SOX15: variants seen among roughly 807,000 people sequenced by gnomAD.
SOX15 encodes transcription factor SOX-15.
SOX15 carries 12 observed loss-of-function variants against 15.9 expected under a neutral mutation model. That is an observed-to-expected ratio of 0.75 (90% CI 0.48 to 1.22). The LOEUF (loss-of-function observed/expected upper bound fraction) is 1.22. Among genes scored for constraint, SOX15 ranks in the 50% most tolerant of loss-of-function variants. The pLI is 0.00. For missense variants in SOX15, 309 were observed against 313.9 expected (o/e 0.98, Z 0.12); for synonymous variants, 149 against 142.8 (o/e 1.04, Z -0.31).
intron 1 of SOX15, 121 bp from the exon 2 acceptor site, chr17:7,588,667 C>T (rs568730567): frequency 1.7e-5 from 19 of 1,101,266 alleles, no homozygotes; most frequent in South Asian, 2.6e-5. Context: ...GCCCGCTGGG[C>T]GCAGCAGGCA....
chr17:7,589,667 G>A lies in SOX15; in HGVS notation c.10C>T (p.Pro4Ser). The change falls in exon 1 of 2, where the codon CCA becomes TCA. Residue 4 changes from proline to serine, a missense_variant. Coordinates refer to ENST00000250055, the MANE Select transcript of SOX15 (RefSeq NM_006942.2). ...CAGGCCTGGTCCTGTGAGGAGCCTGGTAGCGCCATGGGTTGGGAGAAGCCT... is the reference window on the plus strand; with the variant it reads ...CAGGCCTGGTCCTGTGAGGAGCCTGATAGCGCCATGGGTTGGGAGAAGCCT... MAL[P>S]GSSQDQAWSL... 1 of 1,540,494 alleles carries A rather than the reference G, an allele frequency of 6.5e-7. No homozygotes were observed. Among genetic ancestry groups the A allele is most frequent in the Non-Finnish European group, 8.7e-7 (1 of 1,146,940 alleles).
intron 1 of SOX15, 142 bp downstream of exon 1, chr17:7,589,002 G>A: frequency 2.8e-6 from 2 of 712,222 alleles, no homozygotes; most frequent in Non-Finnish European, 2.2e-6. Flanking sequence ...GGCCCCGGAG[G>A]TACTGGGCCT....
rs200558440 is a variant in SOX15, at chr17:7,588,511, C to T, written c.569G>A (p.Cys190Tyr). ...CCTAGGGTCACTCTGAGGGAGGGAG[C>T]ACGGTGAGGGGGCTTCCAGTTTGCA... ...SHCKLEAPSP[C>Y]SLPQSDPRLQ... Residue 190 changes from cysteine to tyrosine, a missense_variant, in exon 2 of 2, where the codon TGC (cysteine) becomes TAC (tyrosine). By Grantham distance (194) the Cys-to-Tyr change is radical (BLOSUM62 -2). Coordinates refer to ENST00000250055, the MANE Select transcript of SOX15 (RefSeq NM_006942.2). The T allele has an allele frequency of 1.2e-6, 2 of 1,613,656 alleles. No homozygotes were observed. Among genetic ancestry groups the T allele is most frequent in the Admixed American group, 3.3e-5 (2 of 60,024 alleles).
chr17:7,588,552 G>A lies in SOX15; in HGVS notation c.534-6C>T. The stretch of plus-strand genomic sequence containing the variant: ...CCAGTTTGCAGTGGGAAGAGCTGCA[G>A]AGAGAAACAAGAGGTTAGAGGGCAC... On this transcript the variant is annotated splice_polypyrimidine_tract_variant and splice_region_variant and intron_variant, in intron 1 of 1. Transcript: ENST00000250055. The A allele has an allele frequency of 6.2e-7, 1 of 1,612,542 alleles. No individual in the cohort carries two copies. Among genetic ancestry groups the A allele is most frequent in the Non-Finnish European group, 8.5e-7 (1 of 1,179,832 alleles).
At chr17:7,588,732 G>C (rs1451478106) in intron 1 of SOX15, among the ~76,000 whole-genome samples, 186 bp from the exon 2 acceptor site, 1 of 152,210 alleles carries the variant, frequency 6.6e-6, no homozygotes, top group Non-Finnish European at 1.5e-5. Flanking sequence ...ACGCTCGGGA[G>C]CGGGCTTGCG....
intron 1 of SOX15, 126 bp from the exon 2 acceptor site, chr17:7,588,672 CA>C: frequency 3.7e-6 from 4 of 1,074,524 alleles, no homozygotes; most frequent in Non-Finnish European, 5.6e-6. Flanking sequence ...CTGGGCGCAG[CA>C]GGCATGGAAG....
In SOX15 at chr17:7,589,213, G is replaced by T; in HGVS notation, c.464C>A (p.Thr155Asn). ...GTACCCAAAGCCTCTGCTCGGTTGGGTGGTCGCGTACCCCGGCCCCCAGAG... is the reference window on the plus strand; with the variant it reads ...GTACCCAAAGCCTCTGCTCGGTTGGTTGGTCGCGTACCCCGGCCCCCAGAG... The part of the protein sequence containing the change: ...GPLWGPGYAT[T>N]QPSRGFGYRP... The change falls in exon 1 of 2, where the codon ACC (threonine) becomes AAC (asparagine). Residue 155 changes from threonine to asparagine, a missense_variant. Physicochemically the swap from Thr to Asn is moderately conservative, Grantham distance 65 (BLOSUM62 0). Transcript: ENST00000250055. The T allele has an allele frequency of 1.3e-6, 2 of 1,540,442 alleles. No individual in the cohort carries two copies. The highest frequency in any genetic ancestry group is 2.4e-5 in the South Asian group (2 of 83,558).
intron 1 of SOX15, chr17:7,588,918 C>G (rs2071627257): frequency 1.7e-6 from 1 of 591,356 alleles, no homozygotes; most frequent in African/African-American, 1.9e-5. Context: ...TCACCTGACC[C>G]TACAGGGCCC....
chr17:7,589,156 G>A lies in SOX15; in HGVS notation c.521C>T (p.Pro174Leu). 6.7e-7 allele frequency: 1 copy of A among 1,495,198 alleles called. No individual in the cohort carries two copies. The highest frequency in any genetic ancestry group is 9.0e-7 in the Non-Finnish European group (1 of 1,116,622). 92.6% of individuals were successfully genotyped at this position (1,495,198 alleles called of 1,614,324 possible). Reference protein sequence around the residue: ...RPPSYSTAYLPGSYGSSHCKL... With the variant: ...RPPSYSTAYLLGSYGSSHCKL... Reference sequence around the variant, plus strand: ...CCCAGGCACTCACCCATAGCTGCCAGGCAGGTAGGCTGTCGAGTAGCTGGG... The same window carrying A: ...CCCAGGCACTCACCCATAGCTGCCAAGCAGGTAGGCTGTCGAGTAGCTGGG... Residue 174 changes from proline (P) to leucine (L), a missense_variant, in exon 1 of 2, where the codon CCT becomes CTT. Pro to Leu is a moderately conservative substitution (Grantham distance 98). Transcript: ENST00000250055.
In SOX15 at chr17:7,589,477, A is replaced by T; in HGVS notation, c.200T>A (p.Met67Lys). ...GTGCATCTTGGGGTTCTGCTGCGCCATCTGGCGGCGCTGAGCGGAGCTCCA... is the reference window on the plus strand; with the variant it reads ...GTGCATCTTGGGGTTCTGCTGCGCCTTCTGGCGGCGCTGAGCGGAGCTCCA... The part of the protein sequence containing the change: ...MVWSSAQRRQ[M>K]AQQNPKMHNS... The change falls in exon 1 of 2, where the codon ATG (methionine) becomes AAG (lysine). Residue 67 changes from methionine to lysine, a missense_variant. Coordinates refer to ENST00000250055, the MANE Select transcript of SOX15 (RefSeq NM_006942.2). The T allele has an allele frequency of 1.2e-6, 2 of 1,613,724 alleles. No individual in the cohort carries two copies. The highest frequency in any genetic ancestry group is 1.7e-6 in the Non-Finnish European group (2 of 1,179,862).
chr17:7,588,672 C>T, intron 1 of SOX15, 126 bp from the exon 2 acceptor site: 2 of 1,074,524 alleles, frequency 1.9e-6, no homozygotes, highest in Non-Finnish European at 1.4e-6. Context: ...CTGGGCGCAG[C>T]AGGCATGGAA....
chr17:7,589,191 C>T lies in SOX15; in HGVS notation c.486G>A (p.Gly162=). 1 of 1,532,260 alleles carries T rather than the reference C, an allele frequency of 6.5e-7. No individual in the cohort carries two copies. The highest frequency in any genetic ancestry group is 8.8e-7 in the Non-Finnish European group (1 of 1,136,876). 94.9% of individuals were successfully genotyped at this position (1,532,260 alleles called of 1,614,324 possible). The part of the protein sequence containing the change: ...YATTQPSRGF[G]YRPPSYSTAY... ...CTGTCGAGTAGCTGGGGGGTCTGTA[C>T]CCAAAGCCTCTGCTCGGTTGGGTGG... Residue 162 remains glycine (G), a synonymous_variant, in exon 1 of 2, where the codon GGG becomes GGA. Transcript: ENST00000250055.
At position 7,589,114 on chromosome 17, in the gene SOX15, C is replaced by T. The variant is rs181272150; in HGVS notation, c.533+30G>A. On this transcript the variant is annotated intron_variant, in intron 1 of 1. Coordinates refer to ENST00000250055, the MANE Select transcript of SOX15 (RefSeq NM_006942.2). ...CTCCAGAAGAGGGGCGCATGGGCCTCCGTCTTCGGCCCGCTTCCCAGGCAC... is the reference window on the plus strand; with the variant it reads ...CTCCAGAAGAGGGGCGCATGGGCCTTCGTCTTCGGCCCGCTTCCCAGGCAC... The T allele has an allele frequency of 5.7e-4, 830 of 1,449,974 alleles. 2 individuals carry two copies. Among genetic ancestry groups the T allele is most frequent in the African/African-American group, 4.9e-3 (338 of 69,626 alleles). The allele number at this position is 1,449,974 out of a possible 1,614,324, so 89.8% of individuals were successfully genotyped here.
rs779804501 is a variant in SOX15, at chr17:7,588,286, C to T, written c.*92G>A. 1 of 1,291,716 alleles carries T rather than the reference C, an allele frequency of 7.7e-7. No individual in the cohort carries two copies. The highest frequency in any genetic ancestry group is 1.8e-4 in the Middle Eastern group (1 of 5,474). 80.0% of individuals were successfully genotyped at this position (1,291,716 alleles called of 1,614,324 possible). ...AGGCTGCCTCTGAACTGTAGTCCAACAGGAGAAAGGGTTGACAGCCTGGGG... is the reference window on the plus strand; with the variant it reads ...AGGCTGCCTCTGAACTGTAGTCCAATAGGAGAAAGGGTTGACAGCCTGGGG... On this transcript the variant is annotated 3_prime_UTR_variant, in exon 2 of 2. Coordinates refer to ENST00000250055, the MANE Select transcript of SOX15 (RefSeq NM_006942.2).
chr17:7,589,099 G>T, intron 1 of SOX15, 45 bp downstream of exon 1: 1 of 1,432,616 alleles, frequency 7.0e-7, no homozygotes, highest in South Asian at 1.5e-5. Flanking sequence ...CTCCAGAAGA[G>T]GGGCGCATGG....
Position 7,589,281 on chromosome 17 carries a change from G to A in SOX15, c.396C>T (p.Ser132=). 6.4e-7 allele frequency: 1 copy of A among 1,571,682 alleles called. No homozygotes were observed. The highest frequency in any genetic ancestry group is 8.6e-7 in the Non-Finnish European group (1 of 1,158,804). Residue 132 remains serine (S), a synonymous_variant, in exon 1 of 2, where the codon TCC becomes TCT. Transcript: ENST00000250055. ...GGTTGCCTCTTCCCTGTCCGCAGCG[G>A]GAAGGTCCGGCGCCCGAGCTCTTGG... ...RKAKSSGAGP[S]RCGQGRGNLA...
At position 7,589,895 on chromosome 17, in the gene SOX15, C is replaced by CT; in HGVS notation, c.-220dup. 1.8e-6 allele frequency: 1 copy of CT among 568,330 alleles called. No individual in the cohort carries two copies. Among genetic ancestry groups the CT allele is most frequent in the South Asian group, 2.2e-5 (1 of 45,002 alleles). The allele number at this position is 568,330 out of a possible 1,614,324, so 35.2% of individuals were successfully genotyped here. On this transcript the variant is annotated 5_prime_UTR_variant, in exon 1 of 2. Coordinates refer to ENST00000250055, the MANE Select transcript of SOX15 (RefSeq NM_006942.2). The stretch of plus-strand genomic sequence containing the variant: ...GAGAGTCGAATGCAAAATCCGCTGT[C>CT]TGGTGCCCCGGCACTGAAGAGGTGT...
intron 1 of SOX15, 139 bp from the exon 2 acceptor site, chr17:7,588,685 C>T (rs999049599): frequency 1.2e-5 from 11 of 941,120 alleles, no homozygotes; most frequent in African/African-American, 4.9e-5. Context: ...GCATGGAAGC[C>T]GACCCCGGGA....
Position 7,589,507 on chromosome 17 carries a change from A to G in SOX15, c.170T>C (p.Met57Thr), listed in dbSNP as rs751481401. ...GCGGCGCTGAGCGGAGCTCCACACC[A>G]TGAACGCGTTCATCGGCCGCTTCAC... ...EKVKRPMNAF[M>T]VWSSAQRRQM... The change falls in exon 1 of 2, where the codon ATG (methionine) becomes ACG (threonine). Residue 57 changes from methionine to threonine, a missense_variant. Transcript: ENST00000250055. The G allele has an allele frequency of 1.2e-6, 2 of 1,612,818 alleles. No individual in the cohort carries two copies. The highest frequency in any genetic ancestry group is 1.7e-5 in the Admixed American group (1 of 59,898).
Sources: gnomAD v4.1 joint callset for allele counts (sites outside exome capture counted in the v4.1 genomes callset) on GRCh38, gnomAD v4.1.1 for gene constraint, MANE v1.5 for transcripts, NCBI Gene and HGNC (gene_info 2026-07-23, HGNC 2026-07-21) for gene names.